Variants in CACNA2D4 observed in about 807,000 individuals in gnomAD.
The protein encoded by CACNA2D4 is calcium voltage-gated channel auxiliary subunit alpha2delta 4, also known as voltage-dependent calcium channel subunit alpha-2/delta-4.
A neutral mutation model predicts 163.8 loss-of-function variants in CACNA2D4; 157 were observed. The ratio of observed to expected loss-of-function variants is 0.96; its 90% confidence interval spans 0.84 to 1.09. CACNA2D4 has a LOEUF of 1.09. Among genes scored for constraint, CACNA2D4 ranks in the 50% least tolerant of loss-of-function variants. The pLI is 0.00. For missense variants in CACNA2D4, 1,410 were observed against 1,479.9 expected (o/e 0.95, Z 0.78); for synonymous variants, 598 against 586.9 (o/e 1.02, Z -0.27).
intron 32 of CACNA2D4, 24 bp from the exon 33 acceptor site, chr12:1,800,076 C>T (rs376685731): frequency 6.3e-6 from 10 of 1,585,528 alleles, no homozygotes; most frequent in African/African-American, 5.4e-5. Context: ...GACTGAATCT[C>T]GGAGACCTCT....
chr12:1,873,588 G>T (rs116803357), intron 18 of CACNA2D4, among the ~76,000 whole-genome samples: 1,714 of 152,328 alleles, frequency 0.011, 29 homozygotes, highest in African/African-American at 0.04. Flanking sequence ...TTCATTGTCA[G>T]TTCAGTGCTG....
intron 18 of CACNA2D4, among the ~76,000 whole-genome samples, chr12:1,871,708 G>A (rs185641890): frequency 5.3e-5 from 8 of 152,172 alleles, no homozygotes; most frequent in Admixed American, 1.3e-4. Flanking sequence ...GTGTGTACAC[G>A]TGTATGCAAC....
At position 1,914,844 on chromosome 12, in the gene CACNA2D4, G is replaced by C. The variant is rs773274444; in HGVS notation, c.309+10C>G. The stretch of plus-strand genomic sequence containing the variant: ...CCACCCGGTGGGCTCTCTGGAAGGG[G>C]GTGACTGACCTTCTGCAGCAAGAGA... On this transcript the variant is annotated intron_variant, in intron 2 of 37. Coordinates refer to ENST00000382722, the MANE Select transcript of CACNA2D4 (RefSeq NM_172364.5). 5.6e-6 allele frequency: 9 copies of C among 1,606,144 alleles called. No homozygotes were observed. In the South Asian group the frequency reaches 9.9e-5, roughly 18 times the overall value.
chr12:1,917,089 G>A lies in CACNA2D4; in HGVS notation c.227+1158C>T, dbSNP rs1402780010. ...ACAGATAGCGTTACGGGCTGGCGGC[G>A]GGTGTAATGGTGAAAGTGCAGTCCA... On this transcript the variant is annotated intron_variant, in intron 1 of 37. Transcript: ENST00000382722. This position sits in a 1 kb window ranked among gnomAD's most constrained non-coding sequence, Gnocchi z 4.3. 6.6e-6 allele frequency among the ~76,000 whole-genome samples: 1 copy of A among 152,136 alleles called. No homozygotes were observed. Among genetic ancestry groups the A allele is most frequent in the Non-Finnish European group, 1.5e-5 (1 of 68,032 alleles).
intron 6 of CACNA2D4, among the ~76,000 whole-genome samples, chr12:1,899,227 G>C (rs1165207250): frequency 6.6e-6 from 1 of 152,060 alleles, no homozygotes; most frequent in Non-Finnish European, 1.5e-5. Context: ...ATACAGGGAG[G>C]CTAAAACTTA....
Position 1,799,202 on chromosome 12 carries a change from G to C in CACNA2D4, c.2995+473C>G, listed in dbSNP as rs1592647384. 6.6e-6 allele frequency among the ~76,000 whole-genome samples: 1 copy of C among 152,342 alleles called. No homozygotes were observed. Among genetic ancestry groups the C allele is most frequent in the Non-Finnish European group, 1.5e-5 (1 of 68,030 alleles). On this transcript the variant is annotated intron_variant, in intron 34 of 37. Coordinates refer to ENST00000382722, the MANE Select transcript of CACNA2D4 (RefSeq NM_172364.5). This position sits in a 1 kb window ranked among gnomAD's most constrained non-coding sequence, Gnocchi z 4.7. ...CTGCACGTGTGGCCACAGCCACCGG[G>C]CTTTGTGTTGGGGCCTCTCATGGTT...
At chr12:1,884,731 A>G (rs1565728641) in intron 11 of CACNA2D4, 37 bp downstream of exon 11, 1 of 1,390,836 alleles carries the variant, frequency 7.2e-7, no homozygotes. Context: ...GCAGCAGGAG[A>G]AGCTTTTTTC....
In CACNA2D4 at chr12:1,831,154, G is replaced by A. The variant is rs750586006; in HGVS notation, c.2551+9585C>T. The A allele has an allele frequency of 3.2e-5, 52 of 1,613,828 alleles. No homozygotes were observed. Among genetic ancestry groups the A allele is most frequent in the Admixed American group, 8.3e-5 (5 of 60,006 alleles). On this transcript the variant is annotated intron_variant, in intron 26 of 37. Transcript: ENST00000382722. Reference sequence around the variant, plus strand: ...TTCGCCAACCTCTCCAGCCTGCAGCGGTTGGACCTGTCCAACAACTTCCTG... The same window carrying A: ...TTCGCCAACCTCTCCAGCCTGCAGCAGTTGGACCTGTCCAACAACTTCCTG...
chr12:1,800,549 C>A, intron 31 of CACNA2D4, 111 bp from the exon 32 acceptor site: 1 of 1,095,878 alleles, frequency 9.1e-7, no homozygotes, highest in South Asian at 1.3e-5. Flanking sequence ...TGCCCTGCCA[C>A]TGGGAGCAGG....
At chr12:1,890,497 A>C (rs1866254187) in intron 6 of CACNA2D4, among the ~76,000 whole-genome samples, 2 of 152,152 alleles carry the variant, frequency 1.3e-5, no homozygotes, top group Admixed American at 6.5e-5. Flanking sequence ...AAAATCCTCC[A>C]TGTACAGCCG....
rs112647051 is a variant in CACNA2D4 at position 1,828,744 on chromosome 12, C to T, written c.2551+11995G>A. Among the ~76,000 whole-genome samples the T allele has an allele frequency of 2.6e-5, 4 of 152,172 alleles. No homozygotes were observed. The highest frequency in any genetic ancestry group is 4.8e-5 in the African/African-American group (2 of 41,444). On this transcript the variant is annotated intron_variant, in intron 26 of 37. Transcript: ENST00000382722. The surrounding 1 kb of genome is among the most constrained non-coding windows in gnomAD (Gnocchi z 4.2). ...GACCTAGTGGGCTCGTGGGATGCGG[C>T]GCTGGAAGAGACTTTGGGGAGTGGG...
Position 1,917,360 on chromosome 12 carries a change from G to A in CACNA2D4, c.227+887C>T, listed in dbSNP as rs1417028349. Among the ~76,000 whole-genome samples the A allele has an allele frequency of 6.6e-6, 1 of 152,220 alleles. No homozygotes were observed. ...CTGCCTAATCCACTGGTCAGCAAAG[G>A]CTAAGCACAGGCACGGTGTGTCATT... On this transcript the variant is annotated intron_variant, in intron 1 of 37. Coordinates refer to ENST00000382722, the MANE Select transcript of CACNA2D4 (RefSeq NM_172364.5). This position sits in a 1 kb window ranked among gnomAD's most constrained non-coding sequence, Gnocchi z 4.3.
Position 1,828,238 on chromosome 12 carries a change from A to C in CACNA2D4, c.2551+12501T>G. Reference sequence around the variant, plus strand: ...CCTGTGAGTACACCCCTGGCCTCGGAGGGGGGTGCGGGTTGGGTGGGGGTG... The same window carrying C: ...CCTGTGAGTACACCCCTGGCCTCGGCGGGGGGTGCGGGTTGGGTGGGGGTG... On this transcript the variant is annotated intron_variant, in intron 26 of 37. Transcript: ENST00000382722. This position sits in a 1 kb window ranked among gnomAD's most constrained non-coding sequence, Gnocchi z 4.2. The C allele has an allele frequency of 7.5e-7, 1 of 1,331,418 alleles. No homozygotes were observed. The highest frequency in any genetic ancestry group is 1.0e-6 in the Non-Finnish European group (1 of 972,630). The allele number at this position is 1,331,418 out of a possible 1,614,324, so 82.5% of individuals were successfully genotyped here.
chr12:1,797,377 A>G, intron 35 of CACNA2D4, 41 bp downstream of exon 35: 1 of 1,384,714 alleles, frequency 7.2e-7, no homozygotes, highest in African/African-American at 1.4e-5. Context: ...CGAGGGCGGG[A>G]GGAGTGTGGC....
chr12:1,911,885 A>G (rs1055971366), intron 3 of CACNA2D4, among the ~76,000 whole-genome samples: 30 of 152,342 alleles, frequency 2.0e-4, no homozygotes, highest in African/African-American at 7.0e-4. Flanking sequence ...TGCGGGTGCC[A>G]GGCTGTGTGT....
At position 1,913,009 on chromosome 12, in the gene CACNA2D4, C is replaced by T; in HGVS notation, c.426+14G>A. ...CTGGGGAGAAACGCCCTGCAGATCACAGGCCTGGAGTACCTGGACCGCCTC... is the reference window on the plus strand; with the variant it reads ...CTGGGGAGAAACGCCCTGCAGATCATAGGCCTGGAGTACCTGGACCGCCTC... On this transcript the variant is annotated intron_variant, in intron 3 of 37. Transcript: ENST00000382722. 1 of 1,569,658 alleles carries T rather than the reference C, an allele frequency of 6.4e-7. No homozygotes were observed. The highest frequency in any genetic ancestry group is 1.1e-5 in the South Asian group (1 of 90,040).
At chr12:1,824,323 C>T (rs74059371) in intron 26 of CACNA2D4, among the ~76,000 whole-genome samples, 6,354 of 152,296 alleles carry the variant, frequency 0.042, 481 homozygotes, top group African/African-American at 0.15. Flanking sequence ...AGACTACCTT[C>T]CTACAAGGCT....
chr12:1,849,958 G>A (rs1010844477), intron 23 of CACNA2D4, among the ~76,000 whole-genome samples: 13 of 152,070 alleles, frequency 8.5e-5, no homozygotes, highest in Non-Finnish European at 1.8e-4. Context: ...CATGATTTAT[G>A]TAACTAGGCT....
intron 16 of CACNA2D4, among the ~76,000 whole-genome samples, chr12:1,877,894 G>T (rs1299101606): frequency 6.6e-6 from 1 of 152,210 alleles, no homozygotes; most frequent in Non-Finnish European, 1.5e-5. Flanking sequence ...AGTGAAGAGG[G>T]CTGGGAGGGC....
Sources: allele counts gnomAD v4.1 joint callset (sites outside exome capture counted in the v4.1 genomes callset), GRCh38; gene constraint gnomAD v4.1.1; non-coding constraint Gnocchi (gnomAD v3.1); transcripts MANE v1.5; gene names NCBI Gene and HGNC (gene_info 2026-07-23, HGNC 2026-07-21).